The following GLRA2 variants were observed in gnomAD, a reference collection of about 807,000 sequenced individuals.
GLRA2 encodes the protein glycine receptor subunit alpha-2.
GLRA2 carries 11 observed loss-of-function variants against 31.6 expected under a neutral mutation model. The observed-to-expected ratio is 0.35, with a 90% confidence interval of 0.22 to 0.58. GLRA2 has a LOEUF of 0.58. GLRA2 is among the 20% of genes least tolerant of loss of function. The pLI, the probability that GLRA2 is intolerant of heterozygous loss-of-function variation, is 0.84. For synonymous variants in GLRA2, 132 were observed against 134.0 expected, an observed-to-expected ratio of 0.99 and a Z score of 0.10; for missense variants, 212 against 351.8, an observed-to-expected ratio of 0.60 and a Z score of 3.18.
Position 14,579,449 on chromosome X carries a change from C to T in GLRA2, c.271-1734C>T, listed in dbSNP as rs767605956. On this transcript the variant is annotated intron_variant, in intron 3 of 8. Transcript: ENST00000218075. ...GGTTCAAGCAATTCTCCCACTTCAG[C>T]CTCCTGAGTAGCTGGGTCTACAGGC... Among the ~76,000 whole-genome samples, 8 of 111,099 alleles carry T rather than the reference C, an allele frequency of 7.2e-5. No individual in the cohort carries two copies. In the South Asian group the frequency reaches 1.5e-3, roughly 21 times the overall value.
intron 2 of GLRA2, among the ~76,000 whole-genome samples, chrX:14,553,066 G>A (rs1452797280): frequency 8.9e-6 from 1 of 111,737 alleles, no homozygotes; most frequent in Non-Finnish European, 1.9e-5. Context: ...AGGCCGTGTG[G>A]CTTCTTCAAT....
chrX:14,683,492 T>C (rs1235371341), intron 7 of GLRA2, among the ~76,000 whole-genome samples: 8 of 111,364 alleles, frequency 7.2e-5, no homozygotes, highest in East Asian at 5.6e-4. Context: ...TCCCATTCTG[T>C]AGGTTGCCTG....
the GLRA2 span, among the ~76,000 whole-genome samples, chrX:14,512,748 C>A: frequency 9.0e-6 from 1 of 111,555 alleles, no homozygotes; most frequent in Non-Finnish European, 1.9e-5. Flanking sequence ...CAAAACGCTG[C>A]TGAAAGAAAT....
In GLRA2 at chrX:14,529,932, CTT is replaced by C. The variant is rs2089231995; in HGVS notation, c.-122_-121del. On this transcript the variant is annotated 5_prime_UTR_variant, in exon 1 of 9. It introduces an in-frame stop codon into an upstream open reading frame of the 5' UTR. Transcript: ENST00000218075. Reference sequence around the variant, plus strand: ...CAGCAAACTGTACAAAACCAAATCTCTTTTTGATTTTCAAGGAAACTAGGTTC... The same window carrying C: ...CAGCAAACTGTACAAAACCAAATCTCTTTGATTTTCAAGGAAACTAGGTTC... The C allele has an allele frequency of 3.5e-6, 2 of 566,979 alleles. No individual in the cohort carries two copies. Among genetic ancestry groups the C allele is most frequent in the Admixed American group, 5.0e-5 (2 of 40,325 alleles). The allele number at this position is 566,979 out of a possible 1,213,427, so 46.7% of individuals were successfully genotyped here.
rs2091340101 is a variant in GLRA2, at chrX:14,690,796, C to T, written c.1017C>T (p.Asn339=). The change falls in exon 8 of 9, where the codon AAC becomes AAT. Residue 339 remains asparagine (N), a synonymous_variant. Coordinates refer to ENST00000218075, the MANE Select transcript of GLRA2 (RefSeq NM_002063.4). ...CCTTACTGGAATACGCAGCGGTGAACTTCGTCTCCAGGCAACACAAGGAGT... is the reference window on the plus strand; with the variant it reads ...CCTTACTGGAATACGCAGCGGTGAATTTCGTCTCCAGGCAACACAAGGAGT... ...FAALLEYAAV[N]FVSRQHKEFL... The T allele has an allele frequency of 8.3e-7, 1 of 1,205,301 alleles. No individual in the cohort carries two copies. Among genetic ancestry groups the T allele is most frequent in the Non-Finnish European group, 1.1e-6 (1 of 890,022 alleles).
chrX:14,623,923 G>T (rs1458950065), intron 7 of GLRA2, among the ~76,000 whole-genome samples: 2 of 111,718 alleles, frequency 1.8e-5, no homozygotes, highest in Non-Finnish European at 3.8e-5. Flanking sequence ...CAGAAGGAAT[G>T]GTACCATCTC....
At chrX:14,537,213 T>C (rs1045500250) in intron 2 of GLRA2, among the ~76,000 whole-genome samples, 2 of 111,728 alleles carry the variant, frequency 1.8e-5, no homozygotes, top group African/African-American at 6.5e-5. Context: ...TCTATATATA[T>C]GCACAAATGT....
At chrX:14,512,150 C>A in the GLRA2 span, among the ~76,000 whole-genome samples, 2 of 111,014 alleles carry the variant, frequency 1.8e-5, no homozygotes, top group African/African-American at 6.5e-5. Flanking sequence ...GAATTATGGC[C>A]CCTATATGGC....
chrX:14,545,423 T>G (rs780800292), intron 2 of GLRA2, among the ~76,000 whole-genome samples: 2 of 111,398 alleles, frequency 1.8e-5, no homozygotes, highest in South Asian at 3.8e-4. Context: ...AATCCATTCA[T>G]GAGGGCACAG....
At chrX:14,559,266 A>C (rs937039058) in intron 2 of GLRA2, among the ~76,000 whole-genome samples, 3 of 111,464 alleles carry the variant, frequency 2.7e-5, no homozygotes, top group African/African-American at 9.8e-5. Flanking sequence ...CCCTTTGCAC[A>C]AACCTGGAAT....
At chrX:14,461,549 A>G in the GLRA2 span, among the ~76,000 whole-genome samples, 2 of 111,858 alleles carry the variant, frequency 1.8e-5, no homozygotes, top group Non-Finnish European at 3.8e-5. Context: ...GGGTGCATAT[A>G]TATTTAGGAT....
At chrX:14,568,625 G>A (rs771993046) in intron 2 of GLRA2, among the ~76,000 whole-genome samples, 43 of 106,858 alleles carry the variant, frequency 4.0e-4, no homozygotes, top group African/African-American at 5.5e-4. Flanking sequence ...CCTGGGAGGC[G>A]GAGGTTGCAG....
At chrX:14,700,931 C>G (rs968784740) in intron 8 of GLRA2, among the ~76,000 whole-genome samples, 21 of 109,341 alleles carry the variant, frequency 1.9e-4, no homozygotes, top group Admixed American at 2.0e-4. Flanking sequence ...TTAGGTGGAG[C>G]CACTAGCCAT....
At chrX:14,495,457 G>A in the GLRA2 span, among the ~76,000 whole-genome samples, 1 of 109,918 alleles carries the variant, frequency 9.1e-6, no homozygotes, top group African/African-American at 3.3e-5. Context: ...AAGCAGCCAT[G>A]ATTAGTATGA....
chrX:14,704,703 G>A (rs2091595159), intron 8 of GLRA2, among the ~76,000 whole-genome samples: 1 of 111,591 alleles, frequency 9.0e-6, no homozygotes. Context: ...AAAAGGAAAC[G>A]ACCCCTGCCT....
chrX:14,717,099 C>T (rs2091798457), intron 8 of GLRA2, among the ~76,000 whole-genome samples: 1 of 111,422 alleles, frequency 9.0e-6, no homozygotes, highest in African/African-American at 3.3e-5. Context: ...GCTTCCAGAG[C>T]CAAGTCCAGT....
chrX:14,649,012 G>A (rs2090861818), intron 7 of GLRA2, among the ~76,000 whole-genome samples: 1 of 111,077 alleles, frequency 9.0e-6, no homozygotes, highest in Non-Finnish European at 1.9e-5. Flanking sequence ...TCAAGAGATC[G>A]AGACCATCCT....
chrX:14,488,951 T>C, the GLRA2 span, among the ~76,000 whole-genome samples: 2 of 111,832 alleles, frequency 1.8e-5, no homozygotes, highest in Non-Finnish European at 3.8e-5. Context: ...ATTCATTGCC[T>C]AAGTCACTGG....
At position 14,547,122 on chromosome X, in the gene GLRA2, G is replaced by A. The variant is rs1373860045; in HGVS notation, c.202+14750G>A. Among the ~76,000 whole-genome samples, 4 of 111,264 alleles carry A rather than the reference G, an allele frequency of 3.6e-5. No individual in the cohort carries two copies. The Admixed American group carries it at 3.8e-4, about 11-fold the overall frequency. On this transcript the variant is annotated intron_variant, in intron 2 of 8. Coordinates refer to ENST00000218075, the MANE Select transcript of GLRA2 (RefSeq NM_002063.4). ...ACTTTAGATGGGTGATGTGGCAGGTGCAAAGAAGGCAAAGAAATAAAGATG... is the reference window on the plus strand; with the variant it reads ...ACTTTAGATGGGTGATGTGGCAGGTACAAAGAAGGCAAAGAAATAAAGATG...
Sources: gnomAD v4.1 joint callset for allele counts (sites outside exome capture counted in the v4.1 genomes callset) on GRCh38, gnomAD v4.1.1 for gene constraint, MANE v1.5 for transcripts, NCBI Gene and HGNC (gene_info 2026-07-23, HGNC 2026-07-21) for gene names.